The following CDH18 variants were observed in gnomAD, a reference collection of about 807,000 sequenced individuals.
The protein encoded by CDH18 is cadherin-18.
A neutral mutation model predicts 67.9 loss-of-function variants in CDH18; 31 were observed. The observed-to-expected ratio is 0.46, with a 90% CI of 0.34 to 0.62. The LOEUF is 0.62. CDH18 is among the 20% of genes least tolerant of loss of function. The pLI, the probability that CDH18 is intolerant of heterozygous loss-of-function variation, is 0.01. For synonymous variants in CDH18, 362 were observed against 347.2 expected (o/e 1.04, Z -0.48); for missense variants, 890 against 975.5 (o/e 0.91, Z 1.17).
rs141103658 is a variant in CDH18 at position 19,627,340 on chromosome 5, C to T, written c.644-14739G>A. ...GAACAAGTGAAATTGAGACGAACAT[C>T]ATTTATCTACACATTTACGTAAGTA... is the stretch of plus-strand genomic sequence containing the variant. On this transcript the variant is annotated intron_variant, in intron 5 of 12. Coordinates refer to ENST00000382275, the MANE Select transcript of CDH18 (RefSeq NM_004934.5). Among the ~76,000 whole-genome samples, 5 of 152,300 alleles carry T rather than the reference C, an allele frequency of 3.3e-5. No homozygotes were observed. The East Asian group carries it at 7.7e-4, about 24-fold the overall frequency.
intron 1 of CDH18, among the ~76,000 whole-genome samples, chr5:20,490,656 T>C (rs1753535666): frequency 6.6e-6 from 1 of 152,164 alleles, no homozygotes; most frequent in African/African-American, 2.4e-5. Context: ...GAGGCTGCAA[T>C]TCACTTAGTG....
intron 2 of CDH18, among the ~76,000 whole-genome samples, chr5:20,138,972 G>A (rs1749990782): frequency 6.6e-6 from 1 of 152,056 alleles, no homozygotes; most frequent in Non-Finnish European, 1.5e-5. Context: ...CCACTTTAAA[G>A]TACATATAGA....
At chr5:19,850,278 A>G (rs746370242) in intron 2 of CDH18, among the ~76,000 whole-genome samples, 6 of 151,884 alleles carry the variant, frequency 4.0e-5, no homozygotes, top group Non-Finnish European at 7.4e-5. Context: ...TTTTTGTCCC[A>G]TTCGTAAAAT....
chr5:20,417,388 TAA>T (rs1316553435), intron 1 of CDH18, among the ~76,000 whole-genome samples: 2 of 152,138 alleles, frequency 1.3e-5, no homozygotes, highest in East Asian at 3.9e-4. Context: ...CAGAATAAAA[TAA>T]GTTTATTTCA....
intron 3 of CDH18, among the ~76,000 whole-genome samples, chr5:19,803,428 T>C (rs890332605): frequency 1.2e-4 from 19 of 152,210 alleles, no homozygotes; most frequent in African/African-American, 4.3e-4. Context: ...TAATGAAATC[T>C]AAACATTCAG....
chr5:20,574,942 G>T (rs961324386), intron 1 of CDH18, among the ~76,000 whole-genome samples: 15 of 151,170 alleles, frequency 9.9e-5, no homozygotes, highest in African/African-American at 3.4e-4. Context: ...TATTGTGTTT[G>T]TATTGAAGAG....
intron 2 of CDH18, among the ~76,000 whole-genome samples, chr5:20,095,512 T>A (rs10067568): frequency 0.043 from 2,705 of 62,702 alleles, 28 homozygotes; most frequent in Non-Finnish European, 0.057. Context: ...GGAGGGAGGA[T>A]GGAAGGAAGG....
chr5:19,914,224 C>A (rs1791495120), intron 2 of CDH18, among the ~76,000 whole-genome samples: 1 of 151,968 alleles, frequency 6.6e-6, no homozygotes. Flanking sequence ...GTAAAAATAG[C>A]ATAACCTTTA....
At chr5:20,574,390 C>A (rs1181594109) in intron 1 of CDH18, among the ~76,000 whole-genome samples, 2 of 151,768 alleles carry the variant, frequency 1.3e-5, no homozygotes, top group East Asian at 3.9e-4. Flanking sequence ...TCACAGATGG[C>A]AGTTTGTTCT....
chr5:20,303,492 A>AG (rs1736121194), intron 1 of CDH18, among the ~76,000 whole-genome samples: 1 of 152,216 alleles, frequency 6.6e-6, no homozygotes, highest in African/African-American at 2.4e-5. Flanking sequence ...TCGAACGCTG[A>AG]GGTGAACACT....
intron 5 of CDH18, among the ~76,000 whole-genome samples, chr5:19,631,659 T>C (rs1752435469): frequency 9.2e-6 from 1 of 108,696 alleles, no homozygotes; most frequent in Non-Finnish European, 2.0e-5. Flanking sequence ...AAAGACAAGA[T>C]AATAATGTAA....
At chr5:20,453,511 C>T (rs1479495446) in intron 1 of CDH18, among the ~76,000 whole-genome samples, 1 of 151,712 alleles carries the variant, frequency 6.6e-6, no homozygotes, top group Non-Finnish European at 1.5e-5. Flanking sequence ...AAATAATATC[C>T]TATCAATCAA....
chr5:20,135,294 C>T (rs1156509480), intron 2 of CDH18, among the ~76,000 whole-genome samples: 3 of 152,060 alleles, frequency 2.0e-5, no homozygotes, highest in East Asian at 3.9e-4. Flanking sequence ...TTCAGGGATT[C>T]GACTTCTTCC....
At chr5:19,945,656 CA>C (rs1247602805) in intron 2 of CDH18, among the ~76,000 whole-genome samples, 8 of 151,936 alleles carry the variant, frequency 5.3e-5, no homozygotes, top group Admixed American at 4.6e-4. Context: ...TAGAAAATCT[CA>C]GAAAAATAAC....
intron 5 of CDH18, among the ~76,000 whole-genome samples, chr5:19,675,091 TA>T (rs1759290030): frequency 6.6e-6 from 1 of 152,148 alleles, no homozygotes; most frequent in African/African-American, 2.4e-5. Context: ...CCCTGAGCCG[TA>T]AAACCAGCAA....
chr5:20,129,444 A>G (rs2126465402), intron 2 of CDH18, among the ~76,000 whole-genome samples: 1 of 152,160 alleles, frequency 6.6e-6, no homozygotes, highest in South Asian at 2.1e-4. Context: ...TGCTGCATGA[A>G]TCCAATTCTT....
chr5:20,032,323 T>A (rs1228726316), intron 2 of CDH18, among the ~76,000 whole-genome samples: 1 of 151,656 alleles, frequency 6.6e-6, no homozygotes, highest in African/African-American at 2.4e-5. Context: ...CTGTTCGAGA[T>A]CTGACAAGAG....
At chr5:20,522,530 T>TGAGA (rs1306386490) in intron 1 of CDH18, among the ~76,000 whole-genome samples, 2 of 152,166 alleles carry the variant, frequency 1.3e-5, no homozygotes, top group African/African-American at 4.8e-5. Context: ...TTTATAATAG[T>TGAGA]GAGGATAATA....
intron 2 of CDH18, among the ~76,000 whole-genome samples, chr5:20,173,527 T>A (rs1580403961): frequency 6.6e-6 from 1 of 152,248 alleles, no homozygotes; most frequent in Admixed American, 6.5e-5. Flanking sequence ...AAAATGTAGG[T>A]AAGTACCTCT....
Sources: allele counts gnomAD v4.1 joint callset (sites outside exome capture counted in the v4.1 genomes callset), GRCh38; gene constraint gnomAD v4.1.1; transcripts MANE v1.5; gene names NCBI Gene and HGNC (gene_info 2026-07-23, HGNC 2026-07-21).